The following ARHGAP24 variants were observed in gnomAD, a reference collection of about 807,000 sequenced individuals.
The protein encoded by ARHGAP24 is rho GTPase-activating protein 24.
In ARHGAP24, 50 loss-of-function variants were observed where a neutral mutation model predicts 76.4. The observed-to-expected ratio is 0.65, with a 90% CI of 0.52 to 0.83. The LOEUF is 0.83. Among genes scored for constraint, ARHGAP24 ranks in the 40% least tolerant of loss-of-function variants. The pLI, the probability that ARHGAP24 is intolerant of heterozygous loss-of-function variation, is 0.00. For synonymous variants in ARHGAP24, 345 were observed against 323.3 expected (o/e 1.07, Z -0.72); for missense variants, 930 against 914.2 (o/e 1.02, Z -0.22).
chr4:85,602,235 C>T (rs1371300510), intron 2 of ARHGAP24, among the ~76,000 whole-genome samples: 1 of 152,164 alleles, frequency 6.6e-6, no homozygotes, highest in East Asian at 1.9e-4. Flanking sequence ...TTTGTCATAT[C>T]TCACGTAATT....
chr4:85,753,918 A>G (rs1458569768), intron 3 of ARHGAP24, among the ~76,000 whole-genome samples: 1 of 152,232 alleles, frequency 6.6e-6, no homozygotes, highest in Non-Finnish European at 1.5e-5. Context: ...CATTACAATT[A>G]TTCTGTTCTA....
chr4:85,656,860 G>T (rs1170735318), intron 2 of ARHGAP24, among the ~76,000 whole-genome samples: 1 of 152,070 alleles, frequency 6.6e-6, no homozygotes, highest in East Asian at 1.9e-4. Flanking sequence ...TATCATATGG[G>T]TCACACTGTA....
chr4:85,519,329 G>T (rs924292238), intron 1 of ARHGAP24, among the ~76,000 whole-genome samples: 2 of 151,958 alleles, frequency 1.3e-5, no homozygotes, highest in African/African-American at 4.8e-5. Flanking sequence ...ACTATCTAAG[G>T]GAAGAAACTA....
chr4:85,482,274 C>T (rs181250653), intron 1 of ARHGAP24, among the ~76,000 whole-genome samples: 3 of 152,312 alleles, frequency 2.0e-5, no homozygotes, highest in Admixed American at 2.0e-4. Context: ...TTTTATATAA[C>T]ATCATATATG....
intron 3 of ARHGAP24, among the ~76,000 whole-genome samples, chr4:85,867,018 G>C (rs1328693851): frequency 1.3e-5 from 2 of 151,992 alleles, no homozygotes; most frequent in African/African-American, 4.8e-5. Flanking sequence ...CATATGAGTG[G>C]TTCTGTATGT....
At chr4:85,571,232 A>G (rs35525488) in intron 2 of ARHGAP24, among the ~76,000 whole-genome samples, 3,557 of 152,324 alleles carry the variant, frequency 0.023, 58 homozygotes, top group Non-Finnish European at 0.037. Context: ...AGCATACATA[A>G]TGTACCAATC....
At chr4:85,766,045 T>C (rs1335064462) in intron 3 of ARHGAP24, among the ~76,000 whole-genome samples, 2 of 152,184 alleles carry the variant, frequency 1.3e-5, no homozygotes, top group African/African-American at 4.8e-5. Context: ...ATTAGTCAGA[T>C]TTCTTGTACT....
chr4:85,839,261 G>C (rs1730456403), intron 3 of ARHGAP24, among the ~76,000 whole-genome samples: 1 of 152,142 alleles, frequency 6.6e-6, no homozygotes, highest in Admixed American at 6.5e-5. Context: ...GTACGTTTCT[G>C]AAAGAAAGTG....
At chr4:85,820,080 T>C (rs1035263920) in intron 3 of ARHGAP24, among the ~76,000 whole-genome samples, 5 of 152,230 alleles carry the variant, frequency 3.3e-5, no homozygotes, top group African/African-American at 1.2e-4. Context: ...TTGGCATTTT[T>C]TTCAAAGAAC....
intron 5 of ARHGAP24, among the ~76,000 whole-genome samples, chr4:85,950,910 C>T (rs191811073): frequency 8.4e-4 from 128 of 152,160 alleles, no homozygotes; most frequent in Non-Finnish European, 1.5e-3. Context: ...AACTCCTGAC[C>T]TCAGGTGATC....
intron 2 of ARHGAP24, among the ~76,000 whole-genome samples, chr4:85,694,743 T>A (rs1723809174): frequency 2.6e-5 from 4 of 152,178 alleles, no homozygotes; most frequent in Non-Finnish European, 5.9e-5. Flanking sequence ...AACTGTGTTT[T>A]CTCAGGTTAA....
At chr4:85,500,779 C>A (rs183079012) in intron 1 of ARHGAP24, among the ~76,000 whole-genome samples, 37 of 152,172 alleles carry the variant, frequency 2.4e-4, no homozygotes, top group African/African-American at 8.9e-4. Flanking sequence ...AGGTTTGTTA[C>A]ATAGGTATAC....
At chr4:85,974,279 C>T (rs1019117497) in intron 6 of ARHGAP24, among the ~76,000 whole-genome samples, 3 of 152,128 alleles carry the variant, frequency 2.0e-5, no homozygotes, top group Admixed American at 1.3e-4. Flanking sequence ...TGTCCCATAA[C>T]GCCTCAAATA....
At chr4:85,726,889 C>G (rs986304510) in intron 3 of ARHGAP24, among the ~76,000 whole-genome samples, 3 of 152,250 alleles carry the variant, frequency 2.0e-5, no homozygotes, top group Non-Finnish European at 4.4e-5. Context: ...TAACACTGGG[C>G]CAGGCGCTGT....
At chr4:85,549,589 G>A (rs907664362) in intron 1 of ARHGAP24, among the ~76,000 whole-genome samples, 1 of 152,000 alleles carries the variant, frequency 6.6e-6, no homozygotes, top group Non-Finnish European at 1.5e-5. Context: ...TCTCTGGCTT[G>A]CCTATACACT....
intron 2 of ARHGAP24, among the ~76,000 whole-genome samples, chr4:85,646,145 GTA>G (rs767318323): frequency 2.0e-5 from 3 of 151,940 alleles, no homozygotes; most frequent in Non-Finnish European, 2.9e-5. Context: ...TCATTGATTA[GTA>G]TTTCTTGAAG....
At chr4:85,711,751 C>T (rs1724535437) in intron 2 of ARHGAP24, among the ~76,000 whole-genome samples, 1 of 152,142 alleles carries the variant, frequency 6.6e-6, no homozygotes. Flanking sequence ...GTACACCAGA[C>T]TTAGAGATTA....
intron 3 of ARHGAP24, among the ~76,000 whole-genome samples, chr4:85,829,201 A>T (rs565420066): frequency 4.6e-5 from 7 of 152,214 alleles, no homozygotes; most frequent in African/African-American, 1.7e-4. Flanking sequence ...AGAAGGAAAA[A>T]AGGAAATTTA....
intron 2 of ARHGAP24, among the ~76,000 whole-genome samples, chr4:85,605,144 T>C (rs983555371): frequency 6.6e-6 from 1 of 152,244 alleles, no homozygotes; most frequent in African/African-American, 2.4e-5. Flanking sequence ...AAGTGATTTT[T>C]CTTTTTTGTG....
Sources: allele counts gnomAD v4.1 joint callset (sites outside exome capture counted in the v4.1 genomes callset), GRCh38; gene constraint gnomAD v4.1.1; transcripts MANE v1.5; gene names NCBI Gene and HGNC (gene_info 2026-07-23, HGNC 2026-07-21).